TESMIN: variants seen among roughly 807,000 people sequenced by gnomAD.
TESMIN encodes the protein testis expressed metallothionein like protein.
Under a neutral mutation model 47.4 loss-of-function variants are expected in TESMIN, and 34 were observed. The observed-to-expected ratio is 0.72, with a 90% CI of 0.55 to 0.96. The LOEUF (loss-of-function observed/expected upper bound fraction) is 0.96. Ranked by LOEUF, TESMIN falls within the 40% of genes least tolerant of loss-of-function variation. The pLI is 0.00. For synonymous variants in TESMIN, 278 were observed against 258.9 expected (o/e 1.07, Z -0.71); for missense variants, 610 against 637.2 (o/e 0.96, Z 0.46).
intron 2 of TESMIN, among the ~76,000 whole-genome samples, chr11:68,748,624 A>G (rs1451341880): frequency 6.6e-6 from 1 of 152,268 alleles, no homozygotes; most frequent in African/African-American, 2.4e-5. Context: ...GAAATTAGCA[A>G]CTGATCCTGA....
chr11:68,714,847 G>A (rs1946117213), intron 7 of TESMIN, among the ~76,000 whole-genome samples: 2 of 152,332 alleles, frequency 1.3e-5, no homozygotes, highest in South Asian at 2.1e-4. Flanking sequence ...ACAGTTTCCC[G>A]AAGTGGTTGT....
At chr11:68,736,396 C>T in intron 6 of TESMIN, 1 of 985,456 alleles carries the variant, frequency 1.0e-6, no homozygotes, top group South Asian at 4.7e-5. Context: ...AGCTGAACTG[C>T]TTCTATGGCC....
At chr11:68,709,999 A>G (rs766471708) in intron 9 of TESMIN, among the ~76,000 whole-genome samples, 65 of 152,182 alleles carry the variant, frequency 4.3e-4, no homozygotes, top group Non-Finnish European at 8.5e-4. Context: ...CTCTACAAAA[A>G]GTAGAAAAAT....
At chr11:68,750,764 G>GGGGACAGCCAAGGGA (rs1566330248) in intron 1 of TESMIN, 65 bp from the exon 2 acceptor site, 3 of 773,612 alleles carry the variant, frequency 3.9e-6, no homozygotes, top group Non-Finnish European at 5.6e-6. Context: ...GGCCAGGAAA[G>GGGGACAGCCAAGGGA]GGGACAGCCA....
At chr11:68,730,974 C>G (rs1034170392) in intron 6 of TESMIN, among the ~76,000 whole-genome samples, 1 of 152,024 alleles carries the variant, frequency 6.6e-6, no homozygotes, top group African/African-American at 2.4e-5. Context: ...GGTTGGGGTA[C>G]ATTGTTTCAA....
intron 5 of TESMIN, 88 bp from the exon 6 acceptor site, chr11:68,738,876 T>C (rs1946423346): frequency 8.6e-7 from 1 of 1,161,106 alleles, no homozygotes; most frequent in African/African-American, 1.5e-5. Context: ...AAATGATTCT[T>C]TTTTTCCCTA....
At chr11:68,746,540 G>A (rs1946522330) in intron 3 of TESMIN, among the ~76,000 whole-genome samples, 1 of 152,146 alleles carries the variant, frequency 6.6e-6, no homozygotes, top group Non-Finnish European at 1.5e-5. Flanking sequence ...TGGGGGAAAG[G>A]CAATGATCGG....
chr11:68,745,200 C>A, intron 3 of TESMIN, 89 bp from the exon 4 acceptor site: 2 of 1,244,486 alleles, frequency 1.6e-6, no homozygotes, highest in Non-Finnish European at 2.2e-6. Flanking sequence ...GAGAAAATAG[C>A]TTTAATCCAG....
At chr11:68,712,164 C>T (rs1177843739) in intron 8 of TESMIN, among the ~76,000 whole-genome samples, 3 of 152,268 alleles carry the variant, frequency 2.0e-5, no homozygotes, top group African/African-American at 7.2e-5. Context: ...ATTCTGTGGG[C>T]TGTGCCCAGC....
chr11:68,715,476 C>T (rs1035632479), intron 7 of TESMIN, among the ~76,000 whole-genome samples: 3 of 152,212 alleles, frequency 2.0e-5, no homozygotes, highest in Non-Finnish European at 4.4e-5. Flanking sequence ...GGACTGTCTA[C>T]ACCTTTGCGG....
chr11:68,736,972 A>T lies in TESMIN; in HGVS notation c.917+1728T>A, dbSNP rs992939930. 4.1e-6 allele frequency: 4 copies of T among 985,368 alleles called. No homozygotes were observed. In the African/African-American group the frequency reaches 7.0e-5, roughly 17 times the overall value. The allele number at this position is 985,368 out of a possible 1,614,324, so 61.0% of individuals were successfully genotyped here. On this transcript the variant is annotated intron_variant, in intron 6 of 9. Transcript: ENST00000255087. ...CAGAGGGTGCTGCAACTGGGAGAGC[A>T]CGCAATTAAAGTATGAGAAGTATCA...
intron 6 of TESMIN, chr11:68,732,855 C>G (rs1946344923): frequency 1.3e-5 from 2 of 152,246 alleles, no homozygotes; most frequent in Admixed American, 6.5e-5. Context: ...TTTCTACCCA[C>G]TGGTGCACCC....
chr11:68,732,441 TC>T (rs1946339301), intron 6 of TESMIN: 1 of 152,644 alleles, frequency 6.6e-6, no homozygotes, highest in Admixed American at 6.5e-5. Context: ...GGCTTCATGG[TC>T]ATTTGACCTG....
intron 6 of TESMIN, among the ~76,000 whole-genome samples, chr11:68,719,551 C>A (rs545909334): frequency 4.3e-4 from 65 of 152,050 alleles, no homozygotes; most frequent in Non-Finnish European, 9.1e-4. Flanking sequence ...TAATTCAGAC[C>A]TGTTATTTAG....
intron 9 of TESMIN, among the ~76,000 whole-genome samples, chr11:68,709,150 G>A (rs1295242762): frequency 1.3e-5 from 2 of 152,138 alleles, no homozygotes; most frequent in South Asian, 2.1e-4. Context: ...AAATCTGTCC[G>A]TTTTTGACAT....
chr11:68,713,364 C>T lies in TESMIN; in HGVS notation c.1064G>A (p.Gly355Glu). ...CTTGACATTGCCCAATTGGCCCTTC[C>T]CAATTTTTGGCTGGAAAGCTTCTGG... Reference protein sequence around the residue: ...RNPEAFQPKIGKGQLGNVKPQ... With the variant: ...RNPEAFQPKIEKGQLGNVKPQ... The change falls in exon 8 of 10, where the codon GGG (glycine) becomes GAG (glutamate). Residue 355 changes from glycine to glutamate, a missense_variant. Physicochemically the swap from Gly to Glu is moderately conservative, Grantham distance 98. Transcript: ENST00000255087. 3 of 1,614,132 alleles carry T rather than the reference C, an allele frequency of 1.9e-6. No homozygotes were observed. Among genetic ancestry groups the T allele is most frequent in the Non-Finnish European group, 2.5e-6 (3 of 1,180,020 alleles).
intron 9 of TESMIN, among the ~76,000 whole-genome samples, chr11:68,709,435 A>T (rs1946036492): frequency 6.6e-6 from 1 of 152,232 alleles, no homozygotes; most frequent in Non-Finnish European, 1.5e-5. Flanking sequence ...CTGTCAGGAC[A>T]GCCTTCCCCA....
intron 9 of TESMIN, 99 bp from the exon 10 acceptor site, chr11:68,708,599 T>A: frequency 3.6e-6 from 4 of 1,104,850 alleles, no homozygotes; most frequent in Middle Eastern, 3.0e-4. Flanking sequence ...CATGCTATTT[T>A]AAAGAACATC....
intron 6 of TESMIN, chr11:68,736,939 A>T: frequency 1.0e-6 from 1 of 985,492 alleles, no homozygotes; most frequent in Non-Finnish European, 1.2e-6. Context: ...TGCAACACAT[A>T]GAAGCCTCAG....
Sources: allele counts gnomAD v4.1 joint callset (sites outside exome capture counted in the v4.1 genomes callset), GRCh38; gene constraint gnomAD v4.1.1; transcripts MANE v1.5; gene names NCBI Gene and HGNC (gene_info 2026-07-23, HGNC 2026-07-21).